The following CA10 variants were observed in gnomAD, a reference collection of about 807,000 sequenced individuals.
CA10 encodes the protein carbonic anhydrase 10 (inactive), also known as carbonic anhydrase-related protein 10.
A neutral mutation model predicts 44.2 loss-of-function variants in CA10; 14 were observed. The observed-to-expected ratio is 0.32, with a 90% CI of 0.21 to 0.50. The LOEUF (loss-of-function observed/expected upper bound fraction) is 0.50. CA10 is among the 20% of genes least tolerant of loss of function. CA10 has a pLI of 0.99. For synonymous variants in CA10, 159 were observed against 141.6 expected, an observed-to-expected ratio of 1.12 and a Z score of -0.87; for missense variants, 350 against 409.7, an observed-to-expected ratio of 0.85 and a Z score of 1.26.
chr17:52,001,227 C>T (rs1985414747), intron 2 of CA10, among the ~76,000 whole-genome samples: 1 of 151,954 alleles, frequency 6.6e-6, no homozygotes, highest in African/African-American at 2.4e-5. Context: ...AAAAACAAAG[C>T]AGAATATGCA....
intron 3 of CA10, among the ~76,000 whole-genome samples, chr17:51,797,875 A>T (rs1906776689): frequency 2.1e-5 from 3 of 143,866 alleles, no homozygotes; most frequent in Admixed American, 6.9e-5. Flanking sequence ...AAAAAAAAAA[A>T]GAACGAAATC....
intron 3 of CA10, among the ~76,000 whole-genome samples, chr17:51,891,116 C>G (rs913184630): frequency 1.3e-5 from 2 of 152,040 alleles, no homozygotes; most frequent in African/African-American, 4.8e-5. Context: ...TAAAACAAAA[C>G]GAAATAGCCC....
chr17:51,885,316 G>C (rs1379690850), intron 3 of CA10, among the ~76,000 whole-genome samples: 1 of 152,102 alleles, frequency 6.6e-6, no homozygotes, highest in Non-Finnish European at 1.5e-5. Context: ...CCAAACAATG[G>C]ATACAGCATT....
intron 4 of CA10, among the ~76,000 whole-genome samples, chr17:51,710,281 A>G (rs1158917223): frequency 1.3e-5 from 2 of 152,178 alleles, no homozygotes; most frequent in East Asian, 3.8e-4. Flanking sequence ...TTGCCAGAAA[A>G]TCTTTTTGAA....
At chr17:52,097,270 G>A (rs1262063935) in intron 1 of CA10, among the ~76,000 whole-genome samples, 2 of 152,146 alleles carry the variant, frequency 1.3e-5, no homozygotes, top group Admixed American at 1.3e-4. Flanking sequence ...TGTGTCAATA[G>A]ATGGGTTTGT....
At chr17:51,719,928 A>T (rs1916298943) in intron 4 of CA10, among the ~76,000 whole-genome samples, 2 of 152,144 alleles carry the variant, frequency 1.3e-5, no homozygotes, top group Non-Finnish European at 2.9e-5. Flanking sequence ...CCTTTTAAGG[A>T]GGCAATGAAG....
chr17:51,671,905 C>T (rs1914442316), intron 4 of CA10, among the ~76,000 whole-genome samples: 2 of 152,184 alleles, frequency 1.3e-5, no homozygotes, highest in Non-Finnish European at 2.9e-5. Context: ...CTTGACTGTG[C>T]TTTCAATGAT....
intron 3 of CA10, among the ~76,000 whole-genome samples, chr17:51,833,001 A>G (rs1908338903): frequency 6.6e-6 from 1 of 152,064 alleles, no homozygotes; most frequent in Admixed American, 6.5e-5. Context: ...ATTCTATGAG[A>G]GCTACAGGCA....
chr17:52,086,434 C>T (rs1490841773), intron 1 of CA10, among the ~76,000 whole-genome samples: 3 of 152,082 alleles, frequency 2.0e-5, no homozygotes, highest in African/African-American at 4.8e-5. Context: ...TGGAAAAAAG[C>T]GTGGAGGATT....
At chr17:52,034,963 C>T (rs1031529365) in intron 2 of CA10, among the ~76,000 whole-genome samples, 1 of 152,048 alleles carries the variant, frequency 6.6e-6, no homozygotes, top group Admixed American at 6.6e-5. Flanking sequence ...TCAGAGATAT[C>T]ACACTGGGCT....
intron 3 of CA10, among the ~76,000 whole-genome samples, chr17:51,774,400 T>C (rs1304428745): frequency 6.6e-6 from 1 of 151,992 alleles, no homozygotes; most frequent in Non-Finnish European, 1.5e-5. Flanking sequence ...AATATAATGC[T>C]AGATTGGTGG....
At chr17:52,150,676 C>T (rs1799474540) in intron 1 of CA10, among the ~76,000 whole-genome samples, 2 of 152,120 alleles carry the variant, frequency 1.3e-5, no homozygotes, top group South Asian at 4.1e-4. Context: ...TAAGATAAAA[C>T]TGCTACACAA....
At chr17:51,948,749 A>G (rs1205975857) in intron 2 of CA10, among the ~76,000 whole-genome samples, 1 of 152,134 alleles carries the variant, frequency 6.6e-6, no homozygotes, top group East Asian at 1.9e-4. Flanking sequence ...AAATTATCAC[A>G]GTTGAGATAA....
chr17:51,984,909 A>G (rs1216780079), intron 2 of CA10, among the ~76,000 whole-genome samples: 2 of 152,022 alleles, frequency 1.3e-5, no homozygotes, highest in East Asian at 3.9e-4. Flanking sequence ...ACGGATTCAC[A>G]GCAAAATTCT....
chr17:51,785,329 A>G (rs1278707376), intron 3 of CA10, among the ~76,000 whole-genome samples: 1 of 152,210 alleles, frequency 6.6e-6, no homozygotes, highest in African/African-American at 2.4e-5. Flanking sequence ...ATAGGAAAAA[A>G]TGTAATCCAA....
chr17:51,774,718 A>T (rs2143663589), intron 3 of CA10, among the ~76,000 whole-genome samples: 1 of 152,274 alleles, frequency 6.6e-6, no homozygotes, highest in East Asian at 1.9e-4. Flanking sequence ...TACTGGGATT[A>T]CAGGCGTGAG....
rs943109025 is a variant in CA10, at chr17:51,807,389, G to T, written c.280-59571C>A. ...GTGAAAAGCCCTTATTCATTTTATT[G>T]TTAAGGAAATTTAGAACCAGTGACA... On this transcript the variant is annotated intron_variant, in intron 3 of 8. Coordinates refer to ENST00000451037, the MANE Select transcript of CA10 (RefSeq NM_020178.5). Among the ~76,000 whole-genome samples the T allele has an allele frequency of 5.3e-5, 8 of 152,270 alleles. No individual in the cohort carries two copies. The South Asian group carries it at 1.7e-3, about 32-fold the overall frequency.
At chr17:51,831,042 G>T (rs531904284) in intron 3 of CA10, among the ~76,000 whole-genome samples, 1 of 152,244 alleles carries the variant, frequency 6.6e-6, no homozygotes, top group East Asian at 1.9e-4. Flanking sequence ...AATGTGAGGG[G>T]GTGGCCATGT....
chr17:51,918,322 T>A (rs1272374722), intron 3 of CA10, among the ~76,000 whole-genome samples: 1 of 152,206 alleles, frequency 6.6e-6, no homozygotes, highest in Non-Finnish European at 1.5e-5. Context: ...AAAAATAGTT[T>A]CTGAATATTT....
Sources: gnomAD v4.1 joint callset for allele counts (sites outside exome capture counted in the v4.1 genomes callset) on GRCh38, gnomAD v4.1.1 for gene constraint, MANE v1.5 for transcripts, NCBI Gene and HGNC (gene_info 2026-07-23, HGNC 2026-07-21) for gene names.